The following UAP1 variants were observed in gnomAD, a reference collection of about 807,000 sequenced individuals.
UAP1 encodes the protein UDP-N-acetylhexosamine pyrophosphorylase.
Under a neutral mutation model 58.5 loss-of-function variants are expected in UAP1, and 25 were observed. That is an observed-to-expected ratio of 0.43 (90% CI 0.31 to 0.60). The LOEUF is 0.60. UAP1 is among the 20% of genes least tolerant of loss of function. The pLI, the probability that UAP1 is intolerant of heterozygous loss-of-function variation, is 0.11. For missense variants in UAP1, 575 were observed against 630.0 expected, an observed-to-expected ratio of 0.91 and a Z score of 0.93; for synonymous variants, 208 against 213.0, an observed-to-expected ratio of 0.98 and a Z score of 0.21.
intron 8 of UAP1, among the ~76,000 whole-genome samples, chr1:162,590,849 C>T (rs1237476097): frequency 1.3e-5 from 2 of 150,620 alleles, no homozygotes; most frequent in African/African-American, 4.9e-5. Flanking sequence ...ATCAGTAACA[C>T]ACTATACCAC....
intron 1 of UAP1, 98 bp downstream of exon 1, chr1:162,561,875 T>C (rs1433033058): frequency 6.6e-6 from 1 of 152,252 alleles, no homozygotes; most frequent in Non-Finnish European, 1.5e-5. Context: ...CGCTCAGACG[T>C]GGACACGCGT....
intron 5 of UAP1, among the ~76,000 whole-genome samples, chr1:162,586,293 T>C (rs1366289904): frequency 6.6e-6 from 1 of 152,188 alleles, no homozygotes; most frequent in Non-Finnish European, 1.5e-5. Context: ...GAATTGATAA[T>C]TAGACTGGAC....
chr1:162,598,216 A>C (rs1655724890), intron 10 of UAP1, among the ~76,000 whole-genome samples: 1 of 146,796 alleles, frequency 6.8e-6, no homozygotes, highest in Admixed American at 6.9e-5. Context: ...GAAAAAAAAA[A>C]TTACAAAAAA....
chr1:162,588,856 A>T, intron 7 of UAP1, 23 bp downstream of exon 7: 1 of 1,581,124 alleles, frequency 6.3e-7, no homozygotes, highest in South Asian at 1.2e-5. Context: ...TAGTACCAAT[A>T]AGGTTAAATA....
intron 1 of UAP1, among the ~76,000 whole-genome samples, chr1:162,565,006 C>G (rs1653400914): frequency 6.6e-6 from 1 of 152,110 alleles, no homozygotes; most frequent in Admixed American, 6.6e-5. Context: ...GTAGCTGGGA[C>G]TACAGGCATA....
rs1655222006 is a variant in UAP1 at position 162,590,338 on chromosome 1, T to G, written c.1185T>G (p.Tyr395Ter). ...TTCGCTCTAGGAAGTTTGTGGTATATGAAGTATTGCGAGAAGATGAGTTTT... is the reference window on the plus strand; with the variant it reads ...TTCGCTCTAGGAAGTTTGTGGTATAGGAAGTATTGCGAGAAGATGAGTTTT... Residue 395 changes from tyrosine to a stop codon, truncating the protein, a stop_gained, in exon 8 of 11, where the codon TAT (tyrosine) becomes TAG (stop). Coordinates refer to ENST00000271469, the Ensembl canonical transcript of UAP1. LOFTEE classifies it high-confidence loss of function. 6.2e-7 allele frequency: 1 copy of G among 1,612,142 alleles called. No individual in the cohort carries two copies. The highest frequency in any genetic ancestry group is 8.5e-7 in the Non-Finnish European group (1 of 1,179,352).
chr1:162,580,424 G>T (rs1434846831), intron 4 of UAP1, among the ~76,000 whole-genome samples: 1 of 152,204 alleles, frequency 6.6e-6, no homozygotes, highest in African/African-American at 2.4e-5. Context: ...ATTCCAGGTA[G>T]TGCATACACA....
intron 5 of UAP1, among the ~76,000 whole-genome samples, chr1:162,582,014 A>C (rs757335645): frequency 6.6e-6 from 1 of 152,202 alleles, no homozygotes; most frequent in Non-Finnish European, 1.5e-5. Context: ...TGTTCTTGGC[A>C]TTGTACTTTT....
intron 5 of UAP1, among the ~76,000 whole-genome samples, chr1:162,582,212 A>G (rs1654634226): frequency 6.6e-6 from 1 of 152,232 alleles, no homozygotes; most frequent in South Asian, 2.1e-4. Context: ...AAACAGTGTA[A>G]TAAAAGCCCA....
At chr1:162,564,206 T>C (rs1284846335) in intron 1 of UAP1, among the ~76,000 whole-genome samples, 1 of 152,226 alleles carries the variant, frequency 6.6e-6, no homozygotes, top group Admixed American at 6.5e-5. Flanking sequence ...TGAGTGTTGT[T>C]ATTACCACCT....
At chr1:162,568,402 C>T (rs1382379441) in intron 2 of UAP1, among the ~76,000 whole-genome samples, 4 of 152,234 alleles carry the variant, frequency 2.6e-5, no homozygotes, top group Non-Finnish European at 5.9e-5. Context: ...TCTCCAACCC[C>T]TTTATCCTCT....
intron 2 of UAP1, among the ~76,000 whole-genome samples, chr1:162,569,260 A>T (rs940559100): frequency 6.6e-6 from 1 of 152,314 alleles, no homozygotes; most frequent in Admixed American, 6.5e-5. Flanking sequence ...TTACTTCCCC[A>T]CACCCCCACC....
At chr1:162,590,044 T>C (rs1571087528) in intron 7 of UAP1, among the ~76,000 whole-genome samples, 3 of 151,756 alleles carry the variant, frequency 2.0e-5, no homozygotes, top group Admixed American at 2.0e-4. Flanking sequence ...TTTTTTTTTT[T>C]CCAGAACAGA....
exon 8 of UAP1, chr1:162,590,361 T>C: frequency 6.2e-7 from 1 of 1,613,114 alleles, no homozygotes; most frequent in Non-Finnish European, 8.5e-7. Flanking sequence ...GAAGATGAGT[T>C]TTCCCCACTA....
chr1:162,563,982 C>G (rs1215394102), intron 1 of UAP1, among the ~76,000 whole-genome samples: 1 of 152,166 alleles, frequency 6.6e-6, no homozygotes, highest in Non-Finnish European at 1.5e-5. Context: ...CTTCCTACTA[C>G]AATGTACTCC....
At chr1:162,589,675 A>T (rs1655181153) in intron 7 of UAP1, among the ~76,000 whole-genome samples, 1 of 152,176 alleles carries the variant, frequency 6.6e-6, no homozygotes, top group Non-Finnish European at 1.5e-5. Flanking sequence ...AGAAAGACAA[A>T]TAAGCTGTAT....
chr1:162,566,064 G>A, exon 2 of UAP1: 2 of 1,610,124 alleles, frequency 1.2e-6, no homozygotes, highest in Non-Finnish European at 8.5e-7. Flanking sequence ...GGCTATTAGA[G>A]CATTATGAAC....
intron 9 of UAP1, chr1:162,593,300 T>G (rs1655430531): frequency 6.5e-6 from 1 of 153,142 alleles, no homozygotes; most frequent in Non-Finnish European, 1.5e-5. Context: ...TCAGTTACTT[T>G]CTTGCTTCTA....
intron 2 of UAP1, among the ~76,000 whole-genome samples, chr1:162,569,885 C>T (rs1653741686): frequency 6.6e-6 from 1 of 152,104 alleles, no homozygotes; most frequent in South Asian, 2.1e-4. Flanking sequence ...CATGGTGGCT[C>T]ATGCCTGTAA....
Sources: gnomAD v4.1 joint callset for allele counts (sites outside exome capture counted in the v4.1 genomes callset) on GRCh38, gnomAD v4.1.1 for gene constraint, MANE v1.5 for transcripts, NCBI Gene and HGNC (gene_info 2026-07-23, HGNC 2026-07-21) for gene names.